ZNF385D: variants seen among roughly 807,000 people sequenced by gnomAD.
ZNF385D encodes zinc finger protein 385D, also known as zinc finger protein 659.
A neutral mutation model predicts 35.8 loss-of-function variants in ZNF385D; 15 were observed. The observed-to-expected ratio is 0.42, with a 90% CI of 0.28 to 0.64. The LOEUF (loss-of-function observed/expected upper bound fraction) is 0.64, where lower values mean the gene tolerates loss of function less well. Ranked by LOEUF, ZNF385D falls within the 30% of genes least tolerant of loss-of-function variation. ZNF385D has a pLI of 0.23. For synonymous variants in ZNF385D, 212 were observed against 186.8 expected (o/e 1.13, Z -1.10); for missense variants, 474 against 494.6 (o/e 0.96, Z 0.39).
chr3:21,624,429 T>C (rs574595211), intron 2 of ZNF385D, among the ~76,000 whole-genome samples: 19 of 152,178 alleles, frequency 1.2e-4, no homozygotes, highest in African/African-American at 4.3e-4. Context: ...TCAATGCTAT[T>C]TCCAGCCAGA....
At chr3:21,795,161 G>C (rs1378840166) in intron 3 of ZNF385D, among the ~76,000 whole-genome samples, 1 of 152,220 alleles carries the variant, frequency 6.6e-6, no homozygotes, top group Admixed American at 6.5e-5. Flanking sequence ...TTCAGGCTTA[G>C]TTATCTAACA....
intron 3 of ZNF385D, among the ~76,000 whole-genome samples, chr3:21,823,650 T>C (rs1429121300): frequency 6.6e-6 from 1 of 152,134 alleles, no homozygotes; most frequent in Non-Finnish European, 1.5e-5. Flanking sequence ...AGAAGTGAAC[T>C]AGAAAACTCA....
At chr3:22,175,741 T>C (rs1460910177) in intron 2 of ZNF385D, among the ~76,000 whole-genome samples, 7 of 151,730 alleles carry the variant, frequency 4.6e-5, no homozygotes, top group Middle Eastern at 3.4e-3. Flanking sequence ...ATACTGTATA[T>C]ATGTGTATAA....
intron 2 of ZNF385D, among the ~76,000 whole-genome samples, chr3:21,592,543 C>CAAAAAAAA (rs3041752): frequency 1.6e-5 from 2 of 124,966 alleles, no homozygotes; most frequent in Admixed American, 8.5e-5. Flanking sequence ...GTCTTCATGG[C>CAAAAAAAA]AAAAAAAAAA....
At chr3:21,754,712 A>C (rs144704784), upstream of ZNF385D, among the ~76,000 whole-genome samples, 51 of 151,948 alleles carry the variant, frequency 3.4e-4, no homozygotes, top group East Asian at 9.5e-3. Flanking sequence ...TCATCATCTG[A>C]CACACTATTT....
At chr3:21,666,022 T>A (rs138124263) in intron 1 of ZNF385D, among the ~76,000 whole-genome samples, 1,612 of 152,284 alleles carry the variant, frequency 0.011, 7 homozygotes, top group Non-Finnish European at 0.015. Flanking sequence ...TGCAGTGGGA[T>A]TTTTTTCTCT....
At chr3:22,204,790 G>C (rs1017992009) in intron 2 of ZNF385D, among the ~76,000 whole-genome samples, 1 of 151,824 alleles carries the variant, frequency 6.6e-6, no homozygotes, top group East Asian at 1.9e-4. Flanking sequence ...TGAGCTTGAG[G>C]ACAAGCTATT....
At position 22,317,280 on chromosome 3, in the gene ZNF385D, CAAAAAAAAAAAAAA is replaced by C. The variant is rs59675675; in HGVS notation, c.106+55156_106+55169del. On this transcript the variant is annotated intron_variant, in intron 2 of 5. Transcript: ENST00000494108. ...GGAAACAAGAGTGAAACTCCATCTC[CAAAAAAAAAAAAAA>C]AAAAAAAAAAAGGAAAAAATAAAAG... Among the ~76,000 whole-genome samples, 5 of 26,102 alleles carry C rather than the reference CAAAAAAAAAAAAAA, an allele frequency of 1.9e-4. No individual in the cohort carries two copies. The Admixed American group carries it at 2.3e-3, about 12-fold the overall frequency. 17.1% of individuals were successfully genotyped at this position (26,102 alleles called of 152,430 possible). A position where few individuals can be genotyped will look rare whatever the true frequency, so the allele number is the denominator to read the frequency against.
At chr3:21,831,414 T>C (rs1388642651) in intron 3 of ZNF385D, among the ~76,000 whole-genome samples, 1 of 152,206 alleles carries the variant, frequency 6.6e-6, no homozygotes, top group African/African-American at 2.4e-5. Flanking sequence ...CCTTTCATAG[T>C]TAATTGATTC....
intron 3 of ZNF385D, among the ~76,000 whole-genome samples, chr3:21,525,740 A>T (rs971688275): frequency 4.0e-5 from 6 of 151,778 alleles, no homozygotes; most frequent in South Asian, 2.1e-4. Flanking sequence ...ACATTAAAAA[A>T]TTTTTTAGAC....
At chr3:21,645,568 A>G (rs560317593) in intron 2 of ZNF385D, among the ~76,000 whole-genome samples, 1 of 152,316 alleles carries the variant, frequency 6.6e-6, no homozygotes, top group Admixed American at 6.5e-5. Flanking sequence ...TGAGAAAAAT[A>G]GAGTTGGTAA....
intron 1 of ZNF385D, among the ~76,000 whole-genome samples, chr3:21,732,364 T>C (rs2069061649): frequency 6.6e-6 from 1 of 152,148 alleles, no homozygotes; most frequent in African/African-American, 2.4e-5. Context: ...GTTCAGGTTT[T>C]GGTGTAGACT....
chr3:21,605,820 C>T (rs1183030615), intron 2 of ZNF385D, among the ~76,000 whole-genome samples: 2 of 152,176 alleles, frequency 1.3e-5, no homozygotes, highest in Non-Finnish European at 2.9e-5. Context: ...TTACCCTGAT[C>T]TTTAATGATT....
chr3:21,815,765 G>C (rs552500624), intron 3 of ZNF385D, among the ~76,000 whole-genome samples: 1 of 152,220 alleles, frequency 6.6e-6, no homozygotes, highest in East Asian at 1.9e-4. Context: ...AGCGGAGCTG[G>C]TACCATTCCT....
At chr3:22,096,297 C>A (rs1174073840) in intron 3 of ZNF385D, among the ~76,000 whole-genome samples, 1 of 151,488 alleles carries the variant, frequency 6.6e-6, no homozygotes, top group African/African-American at 2.4e-5. Flanking sequence ...CAAACCTGCA[C>A]ATGTAAACCC....
intron 3 of ZNF385D, among the ~76,000 whole-genome samples, chr3:22,125,792 T>C (rs1056352226): frequency 9.2e-5 from 14 of 152,114 alleles, no homozygotes; most frequent in African/African-American, 3.1e-4. Context: ...TAACTGAATT[T>C]ATCAATTCTC....
At chr3:21,804,092 C>G (rs1467208646) in intron 3 of ZNF385D, among the ~76,000 whole-genome samples, 1 of 152,156 alleles carries the variant, frequency 6.6e-6, no homozygotes, top group African/African-American at 2.4e-5. Flanking sequence ...GTTGAGAAAT[C>G]AGTGCTGCCA....
intron 2 of ZNF385D, among the ~76,000 whole-genome samples, chr3:22,181,544 C>A (rs57193710): frequency 0.22 from 33,827 of 151,498 alleles, 4,107 homozygotes; most frequent in African/African-American, 0.31. Flanking sequence ...AACACACACA[C>A]AAAATTAGCC....
chr3:22,081,397 T>A (rs1485493061), intron 3 of ZNF385D, among the ~76,000 whole-genome samples: 1 of 152,208 alleles, frequency 6.6e-6, no homozygotes, highest in East Asian at 1.9e-4. Flanking sequence ...ATCCAAATTA[T>A]CTAATTTGTA....
Sources: gnomAD v4.1 joint callset for allele counts (sites outside exome capture counted in the v4.1 genomes callset) on GRCh38, gnomAD v4.1.1 for gene constraint, MANE v1.5 for transcripts, NCBI Gene and HGNC (gene_info 2026-07-23, HGNC 2026-07-21) for gene names.